The following HSBP1L1 variants were observed in gnomAD, a reference collection of about 807,000 sequenced individuals.
The protein encoded by HSBP1L1 is heat shock factor binding protein 1 like 1.
A neutral mutation model predicts 9.7 loss-of-function variants in HSBP1L1; 8 were observed. The observed-to-expected ratio is 0.82, with a 90% confidence interval of 0.48 to 1.48. The LOEUF (loss-of-function observed/expected upper bound fraction) is 1.48, where lower values mean the gene tolerates loss of function less well. Ranked by LOEUF, HSBP1L1 falls within the 40% of genes most tolerant of loss-of-function variation. HSBP1L1 has a pLI of 0.00. For synonymous variants in HSBP1L1, 39 were observed against 34.4 expected (o/e 1.13, Z -0.46); for missense variants, 106 against 95.8 (o/e 1.11, Z -0.44).
At chr18:79,969,643 C>T (rs1300465414) in intron 3 of HSBP1L1, among the ~76,000 whole-genome samples, 2 of 152,214 alleles carry the variant, frequency 1.3e-5, no homozygotes, top group African/African-American at 2.4e-5. Flanking sequence ...TTCCCCCAGA[C>T]ACCTAACCAA....
At position 79,970,562 on chromosome 18, in the gene HSBP1L1, G is replaced by A. The variant is rs565733114; in HGVS notation, c.*111G>A. The A allele has an allele frequency of 1.8e-5, 12 of 666,908 alleles. No homozygotes were observed. Among genetic ancestry groups the A allele is most frequent in the South Asian group, 6.2e-5 (4 of 64,624 alleles). The allele number at this position is 666,908 out of a possible 1,614,324, so 41.3% of individuals were successfully genotyped here. Reference sequence around the variant, plus strand: ...AGGATTCGTCTTTCTGAGAAGAGACGCAAGGGGCTCGCCTGCTCTCCCCTC... The same window carrying A: ...AGGATTCGTCTTTCTGAGAAGAGACACAAGGGGCTCGCCTGCTCTCCCCTC... On this transcript the variant is annotated 3_prime_UTR_variant, in exon 4 of 4. Transcript: ENST00000451882.
At chr18:79,968,390 G>C (rs1599700452) in intron 3 of HSBP1L1, among the ~76,000 whole-genome samples, 1 of 152,180 alleles carries the variant, frequency 6.6e-6, no homozygotes, top group African/African-American at 2.4e-5. Context: ...GCAGTGGCAT[G>C]ATCTTGGCTC....
Position 79,966,679 on chromosome 18 carries a change from A to G in HSBP1L1, c.118+1A>G, listed in dbSNP as rs1449471562. On this transcript the variant is annotated splice_donor_variant, in intron 2 of 3. Transcript: ENST00000451882. LOFTEE classifies it high-confidence loss of function. ...CTGACGGCAACATTAAACCTCAGAA[A>G]TATCCTTTTCTACCTTTAACAAATG... 10 of 1,542,448 alleles carry G rather than the reference A, an allele frequency of 6.5e-6. 1 individual carries two copies. In the South Asian group the frequency reaches 1.1e-4, roughly 17 times the overall value.
intron 3 of HSBP1L1, 56 bp downstream of exon 3, chr18:79,968,239 C>CAAGCAAGGGGAGCCACGT: frequency 9.9e-7 from 1 of 1,009,332 alleles, no homozygotes. Flanking sequence ...CTGCTTTCAT[C>CAAGCAAGGGGAGCCACGT]TTGAAACATA....
intron 1 of HSBP1L1, among the ~76,000 whole-genome samples, chr18:79,965,294 G>C (rs937031533): frequency 1.3e-5 from 2 of 152,294 alleles, no homozygotes; most frequent in Non-Finnish European, 2.9e-5. Context: ...CTGGCTATGA[G>C]GAAGAGACCT....
In HSBP1L1 at chr18:79,964,769, C is replaced by A. The variant is rs906822303; in HGVS notation, c.34C>A (p.Arg12Ser). ...GCGGGGCCCTGAAGCCCCCGGCGGG[C>A]GCGCGCTGCGGGACGCGGTGAGCCC... ...DVRGPEAPGG[R>S]ALRDAAENLF... Residue 12 changes from arginine (R) to serine (S), a missense_variant, in exon 1 of 4, where the codon CGC becomes AGC. Coordinates refer to ENST00000451882, the MANE Select transcript of HSBP1L1 (RefSeq NM_001136180.2). 3 of 1,408,642 alleles carry A rather than the reference C, an allele frequency of 2.1e-6. No homozygotes were observed. The highest frequency in any genetic ancestry group is 1.8e-6 in the Non-Finnish European group (2 of 1,082,514). The allele number at this position is 1,408,642 out of a possible 1,614,324, so 87.3% of individuals were successfully genotyped here.
Position 79,970,374 on chromosome 18 carries a change from A to G in HSBP1L1, c.214-66A>G, listed in dbSNP as rs2051288891. 7.0e-6 allele frequency: 5 copies of G among 717,878 alleles called. No individual in the cohort carries two copies. In the East Asian group the frequency reaches 1.3e-4, roughly 19 times the overall value. 44.5% of individuals were successfully genotyped at this position (717,878 alleles called of 1,614,324 possible). A position where few individuals can be genotyped will look rare whatever the true frequency, so the allele number is the denominator to read the frequency against. ...CACCAGTGAGAACGTTATTAAAATC[A>G]GGGGTGAACATACTTAATACACCTG... On this transcript the variant is annotated intron_variant, in intron 3 of 3. Coordinates refer to ENST00000451882, the MANE Select transcript of HSBP1L1 (RefSeq NM_001136180.2).
At chr18:79,969,307 AGAAAGG>A (rs2051276846) in intron 3 of HSBP1L1, among the ~76,000 whole-genome samples, 1 of 47,996 alleles carries the variant, frequency 2.1e-5, no homozygotes, top group African/African-American at 6.1e-5. Context: ...AGAGAGAGAG[AGAAAGG>A]AAAGAAAGAA....
rs1195209410 is a variant in HSBP1L1, at chr18:79,969,331, A to AAAAGAAAGAAAG, written c.214-1057_214-1046dup. Among the ~76,000 whole-genome samples the AAAAGAAAGAAAG allele has an allele frequency of 1.4e-3, 100 of 72,002 alleles. 2 individuals are homozygous for AAAAGAAAGAAAG. The highest frequency in any genetic ancestry group is 2.1e-3 in the East Asian group (4 of 1,936). 47.2% of individuals were successfully genotyped at this position (72,002 alleles called of 152,430 possible). ...GAGAAAGGAAAGAAAGAAAGAAAGA[A>AAAAGAAAGAAAG]AAAGAAAGAAAGAAAGAAAGAAAGA... On this transcript the variant is annotated intron_variant, in intron 3 of 3. Coordinates refer to ENST00000451882, the MANE Select transcript of HSBP1L1 (RefSeq NM_001136180.2).
intron 1 of HSBP1L1, among the ~76,000 whole-genome samples, chr18:79,965,121 G>C (rs2051250552): frequency 6.7e-6 from 1 of 148,408 alleles, no homozygotes. Flanking sequence ...CTGCAGTACT[G>C]GGGGGCATTG....
At chr18:79,970,399 G>A in intron 3 of HSBP1L1, 41 bp from the exon 4 acceptor site, 1 of 718,498 alleles carries the variant, frequency 1.4e-6, no homozygotes, top group South Asian at 1.5e-5. Context: ...TAATACACCT[G>A]ATAGGAGTTA....
At chr18:79,966,553 A>C in intron 1 of HSBP1L1, 59 bp from the exon 2 acceptor site, 2 of 1,337,668 alleles carry the variant, frequency 1.5e-6, no homozygotes, top group Non-Finnish European at 2.1e-6. Flanking sequence ...AGAAAAAAAA[A>C]AAAACTCATA....
At chr18:79,964,828 G>A in intron 1 of HSBP1L1, 42 bp downstream of exon 1, 7 of 685,434 alleles carry the variant, frequency 1.0e-5, no homozygotes, top group South Asian at 2.6e-5. Context: ...GGATGGGGGC[G>A]CCCCTGCGGT....
At chr18:79,969,387 GAAAGAA>G (rs2051282279) in intron 3 of HSBP1L1, among the ~76,000 whole-genome samples, 7 of 69,146 alleles carry the variant, frequency 1.0e-4, no homozygotes, top group African/African-American at 1.6e-4. Context: ...AAGAAAGAAA[GAAAGAA>G]AAAAAAACGA....
At chr18:79,969,666 C>T (rs1221687991) in intron 3 of HSBP1L1, among the ~76,000 whole-genome samples, 2 of 152,204 alleles carry the variant, frequency 1.3e-5, no homozygotes, top group Non-Finnish European at 2.9e-5. Flanking sequence ...TTCCTGCAGA[C>T]ACACTGGCAT....
intron 3 of HSBP1L1, among the ~76,000 whole-genome samples, chr18:79,969,351 G>GAAAAGAAAGA (rs369080047): frequency 2.1e-5 from 1 of 46,552 alleles, no homozygotes; most frequent in Non-Finnish European, 4.9e-5. Context: ...AAGAAAGAAA[G>GAAAAGAAAGA]AAAGAAAGAA....
intron 3 of HSBP1L1, 85 bp from the exon 4 acceptor site, chr18:79,970,355 T>C: frequency 1.4e-6 from 1 of 716,598 alleles, no homozygotes. Flanking sequence ...AAAGCACCAG[T>C]GAGAACGTTA....
intron 2 of HSBP1L1, among the ~76,000 whole-genome samples, chr18:79,967,147 C>CAAAAAAAAAAAAAAAAAAA (rs5826682): frequency 2.0e-4 from 21 of 105,194 alleles, no homozygotes; most frequent in African/African-American, 6.6e-4. Context: ...GACTCCGTCT[C>CAAAAAAAAAAAAAAAAAAA]AAAAAAAAAA....
At chr18:79,967,817 G>A (rs2051265288) in intron 2 of HSBP1L1, 1 of 336,826 alleles carries the variant, frequency 3.0e-6, no homozygotes. Flanking sequence ...CATACCCAGA[G>A]TTTGACTAAA....
Sources: gnomAD v4.1 joint callset for allele counts (sites outside exome capture counted in the v4.1 genomes callset) on GRCh38, gnomAD v4.1.1 for gene constraint, MANE v1.5 for transcripts, NCBI Gene and HGNC (gene_info 2026-07-23, HGNC 2026-07-21) for gene names.